The following POM121 variants were observed in gnomAD, a reference collection of about 807,000 sequenced individuals.
POM121 encodes the protein nuclear envelope pore membrane protein POM 121.
Under a neutral mutation model 81.3 loss-of-function variants are expected in POM121, and 32 were observed. The observed-to-expected ratio is 0.39, with a 90% CI of 0.30 to 0.53. POM121 has a LOEUF of 0.53. POM121 is among the 20% of genes least tolerant of loss of function. POM121 has a pLI of 0.66. For missense variants in POM121, 1,138 were observed against 1,614.6 expected, an observed-to-expected ratio of 0.70 and a Z score of 5.06; for synonymous variants, 514 against 694.2, an observed-to-expected ratio of 0.74 and a Z score of 4.08.
intron 3 of POM121, among the ~76,000 whole-genome samples, chr7:72,902,682 C>A (rs1251385124): frequency 3.9e-5 from 6 of 152,072 alleles, no homozygotes; most frequent in African/African-American, 1.4e-4. Flanking sequence ...GCGCATTCTA[C>A]CACACTTGGC....
At chr7:72,928,315 T>C in intron 3 of POM121, 70 bp from the exon 4 acceptor site, 1 of 1,579,488 alleles carries the variant, frequency 6.3e-7, no homozygotes, top group Admixed American at 1.7e-5. Context: ...GTCCCAGAAA[T>C]ATGAGAATAC....
At position 72,888,503 on chromosome 7, in the gene POM121, C is replaced by T. The variant is rs539640719; in HGVS notation, c.-520-2124C>T. ...GGGATTACAGGCGTGAGCCACTGTG[C>T]CCAAGCACTTTTACTTTTTCTTAGT... is the stretch of plus-strand genomic sequence containing the variant. On this transcript the variant is annotated intron_variant, in intron 1 of 15. Coordinates refer to the POM121 transcript ENST00000395270. 2.0e-5 allele frequency among the ~76,000 whole-genome samples: 3 copies of T among 152,306 alleles called. No homozygotes were observed. In the South Asian group the frequency reaches 6.2e-4, roughly 32 times the overall value.
At chr7:72,945,530 C>T in intron 11 of POM121, 56 bp from the exon 12 acceptor site, 1 of 1,604,744 alleles carries the variant, frequency 6.2e-7, no homozygotes, top group African/African-American at 1.3e-5. Context: ...CTGCCCGGCT[C>T]CTCGCTTGCC....
At chr7:72,895,547 T>C (rs1394655370) in intron 3 of POM121, among the ~76,000 whole-genome samples, 10 of 152,212 alleles carry the variant, frequency 6.6e-5, no homozygotes, top group Non-Finnish European at 1.2e-4. Context: ...CTCTTTGATA[T>C]TCCTGATTGC....
chr7:72,883,459 G>A (rs1453031093), intron 1 of POM121, among the ~76,000 whole-genome samples: 5 of 152,056 alleles, frequency 3.3e-5, no homozygotes, highest in Admixed American at 3.3e-4. Flanking sequence ...TGGCCAATAA[G>A]GAATCTTTTT....
intron 3 of POM121, among the ~76,000 whole-genome samples, chr7:72,893,609 T>A (rs782637258): frequency 3.3e-5 from 5 of 152,148 alleles, no homozygotes; most frequent in Non-Finnish European, 7.3e-5. Context: ...AACATACGAT[T>A]TACCGTCTTA....
At position 72,926,812 on chromosome 7, in the gene POM121, A is replaced by G; in HGVS notation, c.871A>G (p.Ile291Val). ...RFSRSAIPEQ[I>V]ISSTLSSPSS... ...TGTCTTTCATTGTAGACCAGAGCAG[A>G]TAATCAGCTCAACACTGTCCTCACC... The change falls in exon 3 of 13, where the codon ATA becomes GTA. Residue 291 changes from isoleucine (I) to valine (V), a missense_variant. Transcript: ENST00000434423. The G allele has an allele frequency of 1.2e-6, 2 of 1,613,950 alleles. No individual in the cohort carries two copies. The highest frequency in any genetic ancestry group is 1.7e-6 in the Non-Finnish European group (2 of 1,179,852).
chr7:72,950,296 G>A (rs1395812662), downstream of POM121: 6 of 1,035,508 alleles, frequency 5.8e-6, no homozygotes, highest in African/African-American at 1.7e-5. Flanking sequence ...CACAGCTATG[G>A]AGAAATCAAC....
chr7:72,902,107 A>T (rs1348010131), intron 3 of POM121, among the ~76,000 whole-genome samples: 1 of 151,570 alleles, frequency 6.6e-6, no homozygotes, highest in African/African-American at 2.4e-5. Context: ...AGTGAAACTC[A>T]TGAAAAAAAA....
chr7:72,888,148 G>A (rs564445935), intron 1 of POM121, among the ~76,000 whole-genome samples: 1 of 152,260 alleles, frequency 6.6e-6, no homozygotes, highest in East Asian at 1.9e-4. Context: ...ACAGGCATGA[G>A]CCACCACACC....
At chr7:72,892,753 C>T (rs775306811) in intron 3 of POM121, among the ~76,000 whole-genome samples, 16 of 152,106 alleles carry the variant, frequency 1.1e-4, no homozygotes, top group South Asian at 2.1e-4. Context: ...GCAGCCTCCC[C>T]CTCCCAGGTT....
intron 3 of POM121, among the ~76,000 whole-genome samples, chr7:72,905,560 C>T (rs1429232540): frequency 2.0e-5 from 3 of 152,118 alleles, no homozygotes; most frequent in Non-Finnish European, 1.5e-5. Context: ...ATTCACCAGG[C>T]ATGGTGGTGC....
At chr7:72,898,964 TTTTTC>T (rs1430307341) in intron 3 of POM121, among the ~76,000 whole-genome samples, 1 of 145,764 alleles carries the variant, frequency 6.9e-6, no homozygotes, top group Non-Finnish European at 1.5e-5. Flanking sequence ...TCTGTGTTTC[TTTTTC>T]TTTTCTTTTC....
At chr7:72,919,664 T>G (rs1412360085) in intron 4 of POM121, among the ~76,000 whole-genome samples, 3 of 152,108 alleles carry the variant, frequency 2.0e-5, no homozygotes, top group Admixed American at 1.3e-4. Flanking sequence ...GTATTTTTTT[T>G]AGAGACAGGT....
In POM121 at chr7:72,940,014, C is replaced by T. The variant is rs782336299; in HGVS notation, c.1563+46C>T. On this transcript the variant is annotated intron_variant, in intron 8 of 12. Coordinates refer to ENST00000434423, the MANE Select transcript of POM121 (RefSeq NM_001387691.1). ...TCCTGCCCTCCCCGGCTTAGCTCTC[C>T]TAAGTATTAGGAACGCTAAGGACAA... 6.3e-5 allele frequency: 101 copies of T among 1,597,644 alleles called. 2 individuals carry two copies. Among genetic ancestry groups the T allele is most frequent in the South Asian group, 7.8e-5 (7 of 90,118 alleles).
chr7:72,939,361 A>T lies in POM121; in HGVS notation c.1393A>T (p.Ser465Cys). 6.2e-7 allele frequency: 1 copy of T among 1,613,928 alleles called. No individual in the cohort carries two copies. The highest frequency in any genetic ancestry group is 8.5e-7 in the Non-Finnish European group (1 of 1,179,844). ...AGAAGAGGAGCTGTGTCATCATTCCAGTTCTTCAACTCCATTGGCAGCAGA... is the reference window on the plus strand; with the variant it reads ...AGAAGAGGAGCTGTGTCATCATTCCTGTTCTTCAACTCCATTGGCAGCAGA... ...IREEELCHHS[S>C]SSTPLAADRE... is the part of the protein sequence containing the mutation. Residue 465 changes from serine to cysteine, a missense_variant, in exon 7 of 13, where the codon AGT (serine) becomes TGT (cysteine). Physicochemically the swap from Ser to Cys is moderately radical, Grantham distance 112. Around this residue, in one of 7 missense-constraint regions of POM121, gnomAD observed 646 missense variants for 633.5 expected, o/e 1.02. Coordinates refer to ENST00000434423, the MANE Select transcript of POM121 (RefSeq NM_001387691.1).
At chr7:72,933,052 A>C (rs1158131716) in intron 5 of POM121, among the ~76,000 whole-genome samples, 1 of 132,524 alleles carries the variant, frequency 7.5e-6, no homozygotes, top group Non-Finnish European at 1.7e-5. Context: ...ACTCTGTCTC[A>C]AAAAAAAAAA....
At chr7:72,924,343 A>G (rs1795137624), upstream of POM121, 2 of 152,234 alleles carry the variant, frequency 1.3e-5, no homozygotes, top group African/African-American at 4.8e-5. Context: ...ATGTACATAA[A>G]CAATGGAATG....
intron 3 of POM121, among the ~76,000 whole-genome samples, chr7:72,927,724 A>C (rs1795605634): frequency 6.6e-6 from 1 of 152,076 alleles, no homozygotes; most frequent in South Asian, 2.1e-4. Flanking sequence ...AAAAATCCTT[A>C]TGTGGTTTAT....
Sources: gnomAD v4.1 joint callset for allele counts (sites outside exome capture counted in the v4.1 genomes callset) on GRCh38, gnomAD v4.1.1 for gene constraint, gnomAD v4.1.1 regional missense constraint, MANE v1.5 for transcripts, NCBI Gene and HGNC (gene_info 2026-07-23, HGNC 2026-07-21) for gene names.